Variants in KLF15 observed in about 807,000 individuals in gnomAD.
KLF15 encodes the protein Krueppel-like factor 15.
Under a neutral mutation model 24.6 loss-of-function variants are expected in KLF15, and 4 were observed. The observed-to-expected ratio is 0.16, with a 90% confidence interval of 0.08 to 0.37. KLF15 has a LOEUF of 0.37. Ranked by LOEUF, KLF15 falls within the 10% of genes least tolerant of loss-of-function variation. KLF15 has a pLI of 1.00. For missense variants in KLF15, 496 were observed against 560.6 expected (o/e 0.88, Z 1.16); for synonymous variants, 246 against 236.3 (o/e 1.04, Z -0.37).
chr3:126,356,874 C>T lies in KLF15; in HGVS notation c.-26+363G>A, dbSNP rs565509360. Among the ~76,000 whole-genome samples, 46 of 152,028 alleles carry T rather than the reference C, an allele frequency of 3.0e-4. No individual in the cohort carries two copies. In the South Asian group the frequency reaches 9.3e-3, roughly 31 times the overall value. ...CTCCAGCCCCTCCGCCCCCCAACCCCGGGCTGGCCAGCGCGTCCGCTCTCC... is the reference window on the plus strand; with the variant it reads ...CTCCAGCCCCTCCGCCCCCCAACCCTGGGCTGGCCAGCGCGTCCGCTCTCC... On this transcript the variant is annotated intron_variant, in intron 1 of 2. Coordinates refer to ENST00000296233, the MANE Select transcript of KLF15 (RefSeq NM_014079.4). This position sits in a 1 kb window ranked among gnomAD's most constrained non-coding sequence, Gnocchi z 4.4.
At chr3:126,293,586 T>G in the KLF15 span, among the ~76,000 whole-genome samples, 1 of 152,184 alleles carries the variant, frequency 6.6e-6, no homozygotes, top group Non-Finnish European at 1.5e-5. Flanking sequence ...AACGTCGGAC[T>G]CTAAATGCCT....
the KLF15 span, among the ~76,000 whole-genome samples, chr3:126,333,486 A>G: frequency 7.2e-6 from 1 of 138,448 alleles, no homozygotes; most frequent in Admixed American, 7.3e-5. Flanking sequence ...TGTAAAGACC[A>G]TCGAGACTAG....
At chr3:126,303,551 C>T in the KLF15 span, among the ~76,000 whole-genome samples, 4 of 151,734 alleles carry the variant, frequency 2.6e-5, no homozygotes, top group African/African-American at 9.7e-5. Context: ...TTCTATGGCT[C>T]ATTTTAAGGT....
At chr3:126,310,546 T>G in the KLF15 span, among the ~76,000 whole-genome samples, 85 of 151,984 alleles carry the variant, frequency 5.6e-4, no homozygotes, top group East Asian at 0.013. Context: ...GGGGGGTGGG[T>G]GTAAACAACA....
At chr3:126,339,464 C>T (rs867286027), downstream of KLF15, among the ~76,000 whole-genome samples, 16 of 152,190 alleles carry the variant, frequency 1.1e-4, no homozygotes, top group Middle Eastern at 3.4e-3. Flanking sequence ...CAGGGCACAT[C>T]GAGATGTGCA....
chr3:126,317,102 C>T, the KLF15 span, among the ~76,000 whole-genome samples: 1 of 152,106 alleles, frequency 6.6e-6, no homozygotes, highest in Non-Finnish European at 1.5e-5. Flanking sequence ...TCAAACACTG[C>T]AAGCAGCACC....
At chr3:126,330,965 G>A in the KLF15 span, among the ~76,000 whole-genome samples, 2 of 152,168 alleles carry the variant, frequency 1.3e-5, no homozygotes, top group African/African-American at 4.8e-5. Flanking sequence ...AGCAGAGGAT[G>A]GGGGAGCCTC....
rs1032445339 is a variant in KLF15, at chr3:126,343,671, A to C, written c.*56T>G. ...GAGGCAAATAAATTATTGCTTAAAA[A>C]AATGGGGATGGGGTGGGGATCCGGG... On this transcript the variant is annotated 3_prime_UTR_variant, in exon 3 of 3. Coordinates refer to ENST00000296233, the MANE Select transcript of KLF15 (RefSeq NM_014079.4). 1.3e-6 allele frequency: 2 copies of C among 1,530,744 alleles called. No individual in the cohort carries two copies. The highest frequency in any genetic ancestry group is 1.8e-6 in the Non-Finnish European group (2 of 1,131,702). The allele number at this position is 1,530,744 out of a possible 1,614,324, so 94.8% of individuals were successfully genotyped here.
chr3:126,351,774 G>T, intron 2 of KLF15, 67 bp downstream of exon 2: 1 of 1,492,392 alleles, frequency 6.7e-7, no homozygotes, highest in Non-Finnish European at 9.0e-7. Flanking sequence ...TGGCCCTGCT[G>T]CACACCCAAG....
the KLF15 span, among the ~76,000 whole-genome samples, chr3:126,314,067 T>C: frequency 6.6e-6 from 1 of 152,138 alleles, no homozygotes; most frequent in Non-Finnish European, 1.5e-5. Flanking sequence ...AAAATATCTA[T>C]TATCTTGCTC....
intron 2 of KLF15, among the ~76,000 whole-genome samples, chr3:126,350,846 GATGA>G (rs2082576733): frequency 1.3e-5 from 2 of 152,064 alleles, no homozygotes; most frequent in African/African-American, 4.8e-5. Flanking sequence ...CAGGGATACA[GATGA>G]GTGTGCCCCG....
the KLF15 span, among the ~76,000 whole-genome samples, chr3:126,322,800 A>G: frequency 6.6e-6 from 1 of 152,216 alleles, no homozygotes; most frequent in African/African-American, 2.4e-5. Flanking sequence ...GGTTTGCACA[A>G]CTGATCAAGC....
chr3:126,306,719 G>A, the KLF15 span, among the ~76,000 whole-genome samples: 2 of 152,190 alleles, frequency 1.3e-5, no homozygotes, highest in African/African-American at 4.8e-5. Context: ...TGAAGCTTTG[G>A]GAGCGAGAGG....
chr3:126,310,279 C>T, the KLF15 span, among the ~76,000 whole-genome samples: 1 of 152,248 alleles, frequency 6.6e-6, no homozygotes, highest in Non-Finnish European at 1.5e-5. Flanking sequence ...ATAAAATACA[C>T]ATCACTGAGA....
At chr3:126,355,045 C>T (rs998182242) in intron 1 of KLF15, among the ~76,000 whole-genome samples, 2 of 152,372 alleles carry the variant, frequency 1.3e-5, no homozygotes, top group South Asian at 2.1e-4. Context: ...GGCAAACGTT[C>T]GGCCTCTGCC....
At chr3:126,350,945 C>T (rs530033535) in intron 2 of KLF15, among the ~76,000 whole-genome samples, 19 of 152,374 alleles carry the variant, frequency 1.2e-4, no homozygotes, top group African/African-American at 4.1e-4. Flanking sequence ...GCCAGAGATT[C>T]CTTTGGGATG....
intron 2 of KLF15, among the ~76,000 whole-genome samples, chr3:126,346,894 G>A (rs2082539359): frequency 6.6e-6 from 1 of 152,208 alleles, no homozygotes; most frequent in Non-Finnish European, 1.5e-5. Flanking sequence ...CTGAGCCTCA[G>A]TTTCTCTACC....
intron 2 of KLF15, among the ~76,000 whole-genome samples, chr3:126,344,698 C>T (rs181063615): frequency 6.6e-6 from 1 of 152,244 alleles, no homozygotes; most frequent in South Asian, 2.1e-4. Context: ...GAGGAGGAAG[C>T]AGCACAGGGA....
At chr3:126,297,372 C>A in the KLF15 span, among the ~76,000 whole-genome samples, 2 of 152,076 alleles carry the variant, frequency 1.3e-5, no homozygotes, top group South Asian at 2.1e-4. Flanking sequence ...TTATTATTGC[C>A]CCACTATTGT....
Sources: allele counts gnomAD v4.1 joint callset (sites outside exome capture counted in the v4.1 genomes callset), GRCh38; gene constraint gnomAD v4.1.1; non-coding constraint Gnocchi (gnomAD v3.1); transcripts MANE v1.5; gene names NCBI Gene and HGNC (gene_info 2026-07-23, HGNC 2026-07-21).